The following CACNA1C variants were observed in gnomAD, a reference collection of about 807,000 sequenced individuals.
CACNA1C encodes calcium voltage-gated channel subunit alpha1 C.
CACNA1C carries 30 observed loss-of-function variants against 229.0 expected under a neutral mutation model. The observed-to-expected ratio is 0.13, with a 90% CI of 0.10 to 0.18. The LOEUF (loss-of-function observed/expected upper bound fraction) is 0.18. Among genes scored for constraint, CACNA1C ranks in the 10% least tolerant of loss-of-function variants. The pLI, the probability that CACNA1C is intolerant of heterozygous loss-of-function variation, is 1.00. For missense variants in CACNA1C, 1,658 were observed against 2,845.0 expected (o/e 0.58, Z 9.49); for synonymous variants, 1,114 against 1,132.5 (o/e 0.98, Z 0.33).
In CACNA1C at chr12:2,677,069, CCT is replaced by C. The variant is rs746112363; in HGVS notation, c.4829-21_4829-20del. On this transcript the variant is annotated intron_variant, in intron 39 of 46. Transcript: ENST00000399655. This position sits in a 1 kb window ranked among gnomAD's most constrained non-coding sequence, Gnocchi z 7.4. ...GAATTCCCCTGCTCCCCTCTTACCC[CCT>C]CTCCCCTCTCCATACGTCTCAGATG... 6.2e-7 allele frequency: 1 copy of C among 1,606,980 alleles called. No homozygotes were observed. Among genetic ancestry groups the C allele is most frequent in the Non-Finnish European group, 8.5e-7 (1 of 1,175,114 alleles).
chr12:2,485,109 G>A (rs2099692844), intron 5 of CACNA1C, among the ~76,000 whole-genome samples: 1 of 152,064 alleles, frequency 6.6e-6, no homozygotes, highest in Admixed American at 6.5e-5. Flanking sequence ...AGAAGGTAAA[G>A]ACACAAAAAG....
chr12:2,417,352 C>T (rs1225300087), intron 3 of CACNA1C, among the ~76,000 whole-genome samples: 1 of 152,198 alleles, frequency 6.6e-6, no homozygotes, highest in Non-Finnish European at 1.5e-5. Flanking sequence ...ACGGTAGTGG[C>T]TACAGACACC....
chr12:2,514,377 T>G (rs2239104), intron 9 of CACNA1C, among the ~76,000 whole-genome samples: 29,451 of 152,200 alleles, frequency 0.19, 4,031 homozygotes, highest in African/African-American at 0.38. Flanking sequence ...CAAGGGACTG[T>G]TAACAACATA....
chr12:2,166,310 C>A (rs2096227838), intron 3 of CACNA1C, among the ~76,000 whole-genome samples: 1 of 152,244 alleles, frequency 6.6e-6, no homozygotes, highest in African/African-American at 2.4e-5. Flanking sequence ...TTATCACTCA[C>A]ACCCCTTTGG....
intron 1 of CACNA1C, among the ~76,000 whole-genome samples, chr12:2,102,196 C>T (rs1360247355): frequency 6.6e-6 from 1 of 152,182 alleles, no homozygotes; most frequent in Non-Finnish European, 1.5e-5. Context: ...GGAAGAGCAT[C>T]TTCCCCGTAT....
intron 3 of CACNA1C, among the ~76,000 whole-genome samples, chr12:2,371,899 G>A (rs1011559351): frequency 2.0e-5 from 3 of 152,124 alleles, no homozygotes; most frequent in Non-Finnish European, 2.9e-5. Context: ...TCTAAGGGGA[G>A]CGGATGCTGC....
Position 2,354,681 on chromosome 12 carries a change from T to A in CACNA1C, c.478-94295T>A, listed in dbSNP as rs1309579789. On this transcript the variant is annotated intron_variant, in intron 3 of 46. Coordinates refer to ENST00000399655, the MANE Select transcript of CACNA1C (RefSeq NM_000719.7). The surrounding 1 kb of genome is among the most constrained non-coding windows in gnomAD (Gnocchi z 4.6). Reference sequence around the variant, plus strand: ...AGCCCAGACACTCCTGACCACAGACTGGCTTGTAATTTGGCTTTTCTGAGC... The same window carrying A: ...AGCCCAGACACTCCTGACCACAGACAGGCTTGTAATTTGGCTTTTCTGAGC... Among the ~76,000 whole-genome samples the A allele has an allele frequency of 6.6e-6, 1 of 152,164 alleles. No homozygotes were observed. The highest frequency in any genetic ancestry group is 1.5e-5 in the Non-Finnish European group (1 of 68,028).
At chr12:2,528,683 G>A (rs1339880659) in intron 9 of CACNA1C, among the ~76,000 whole-genome samples, 2 of 152,240 alleles carry the variant, frequency 1.3e-5, no homozygotes, top group Non-Finnish European at 2.9e-5. Context: ...GGAAGAGCAG[G>A]TCTCAGATCC....
intron 29 of CACNA1C, among the ~76,000 whole-genome samples, chr12:2,617,708 C>G (rs2081316991): frequency 6.6e-6 from 1 of 152,206 alleles, no homozygotes; most frequent in Admixed American, 6.5e-5. Flanking sequence ...GAGGATGTGG[C>G]TCAAATGGAA....
intron 1 of CACNA1C, among the ~76,000 whole-genome samples, chr12:2,068,225 T>C (rs1435365856): frequency 6.6e-6 from 1 of 152,196 alleles, no homozygotes; most frequent in African/African-American, 2.4e-5. Flanking sequence ...TATGCTCTGC[T>C]GAGTGGCTCT....
chr12:2,301,703 TG>T (rs1292402792), intron 3 of CACNA1C, among the ~76,000 whole-genome samples: 1 of 152,160 alleles, frequency 6.6e-6, no homozygotes, highest in Non-Finnish European at 1.5e-5. Flanking sequence ...TGATCTCCTT[TG>T]GAAAAAACTG....
chr12:2,348,654 C>T lies in CACNA1C; in HGVS notation c.478-100322C>T, dbSNP rs554525713. Among the ~76,000 whole-genome samples, 9 of 152,170 alleles carry T rather than the reference C, an allele frequency of 5.9e-5. No homozygotes were observed. Among genetic ancestry groups the T allele is most frequent in the South Asian group, 2.1e-4 (1 of 4,826 alleles). The stretch of plus-strand genomic sequence containing the variant: ...CATGCTGAATATAAACTCATGCTTC[C>T]GTCTGCTGCCACACTTTAAGATTTC... On this transcript the variant is annotated intron_variant, in intron 3 of 46. Coordinates refer to ENST00000399655, the MANE Select transcript of CACNA1C (RefSeq NM_000719.7). This position sits in a 1 kb window ranked among gnomAD's most constrained non-coding sequence, Gnocchi z 4.7.
chr12:2,436,973 A>G (rs1567671665), intron 3 of CACNA1C, among the ~76,000 whole-genome samples: 1 of 152,180 alleles, frequency 6.6e-6, no homozygotes, highest in Non-Finnish European at 1.5e-5. Flanking sequence ...ACAGTTCCAG[A>G]CTTCACATAT....
chr12:2,070,103 C>G lies in CACNA1C; in HGVS notation c.49+16492C>G, dbSNP rs527478164. Among the ~76,000 whole-genome samples, 7 of 152,180 alleles carry G rather than the reference C, an allele frequency of 4.6e-5. 1 individual carries two copies. In the East Asian group the frequency reaches 1.4e-3, roughly 29 times the overall value. ...TATAGGCTTGAGCCACCATGCCCAGCCTTAAAGAGCATTTCTGAGCTAAAT... is the reference window on the plus strand; with the variant it reads ...TATAGGCTTGAGCCACCATGCCCAGGCTTAAAGAGCATTTCTGAGCTAAAT... On this transcript the variant is annotated intron_variant, in intron 1 of 46. Coordinates refer to ENST00000399655, the MANE Select transcript of CACNA1C (RefSeq NM_000719.7).
At chr12:2,409,074 C>G (rs2098774937) in intron 3 of CACNA1C, among the ~76,000 whole-genome samples, 1 of 152,212 alleles carries the variant, frequency 6.6e-6, no homozygotes, top group South Asian at 2.1e-4. Flanking sequence ...CTGTTAGTGT[C>G]TTCAGCTCGT....
rs1024848727 is a variant in CACNA1C at position 2,348,177 on chromosome 12, C to T, written c.478-100799C>T. Among the ~76,000 whole-genome samples the T allele has an allele frequency of 6.6e-6, 1 of 152,192 alleles. No homozygotes were observed. The highest frequency in any genetic ancestry group is 2.4e-5 in the African/African-American group (1 of 41,472). Reference sequence around the variant, plus strand: ...GGGCTAGCTGCCAGTGGGATGGCCCCAGCCGGAGGAGCTGGGCAGTGCAGC... The same window carrying T: ...GGGCTAGCTGCCAGTGGGATGGCCCTAGCCGGAGGAGCTGGGCAGTGCAGC... On this transcript the variant is annotated intron_variant, in intron 3 of 46. Transcript: ENST00000399655. This position sits in a 1 kb window ranked among gnomAD's most constrained non-coding sequence, Gnocchi z 4.7.
In CACNA1C at chr12:2,685,742, C is replaced by A. The variant is rs1421077400; in HGVS notation, c.5580C>A (p.Ser1860=). The A allele has an allele frequency of 1.9e-6, 3 of 1,613,198 alleles. No homozygotes were observed. In the Admixed American group the frequency reaches 5.0e-5, roughly 27 times the overall value. Residue 1860 remains serine (S), a synonymous_variant, in exon 44 of 47, where the codon TCC becomes TCA. Transcript: ENST00000399655. ...EPSLLSTEML[S]YQDDENRQLT... is the part of the protein sequence containing the mutation. ...CATGAGCTCTCTGTTCCAGGCTCTC[C>A]TACCAGGATGACGAAAATCGGCAAC...
At chr12:2,189,657 A>G (rs952306120) in intron 3 of CACNA1C, among the ~76,000 whole-genome samples, 9 of 152,228 alleles carry the variant, frequency 5.9e-5, no homozygotes, top group African/African-American at 2.2e-4. Context: ...CTGTAGGGGC[A>G]GGGAAACCAA....
In CACNA1C at chr12:2,665,483, G is replaced by A. The variant is rs1002280951; in HGVS notation, c.4399-98G>A. The A allele has an allele frequency of 3.8e-6, 5 of 1,307,756 alleles. No homozygotes were observed. The highest frequency in any genetic ancestry group is 5.4e-6 in the Non-Finnish European group (5 of 920,066). The allele number at this position is 1,307,756 out of a possible 1,614,324, so 81.0% of individuals were successfully genotyped here. On this transcript the variant is annotated intron_variant, in intron 35 of 46. Coordinates refer to ENST00000399655, the MANE Select transcript of CACNA1C (RefSeq NM_000719.7). This position sits in a 1 kb window ranked among gnomAD's most constrained non-coding sequence, Gnocchi z 5.9. ...TGGATGACTGGTCTTTAGAAATGTT[G>A]GCTTCTGCCATCAGTAGGCCCCAGC...
Sources: allele counts gnomAD v4.1 joint callset (sites outside exome capture counted in the v4.1 genomes callset), GRCh38; gene constraint gnomAD v4.1.1; non-coding constraint Gnocchi (gnomAD v3.1); transcripts MANE v1.5; gene names NCBI Gene and HGNC (gene_info 2026-07-23, HGNC 2026-07-21).